Variants in ZNF407 observed in about 807,000 individuals in gnomAD.
ZNF407 encodes the protein zinc finger protein 407.
Under a neutral mutation model 131.2 loss-of-function variants are expected in ZNF407, and 17 were observed. The ratio of observed to expected loss-of-function variants is 0.13; its 90% CI spans 0.09 to 0.19. The LOEUF is 0.19. Among genes scored for constraint, ZNF407 ranks in the 10% least tolerant of loss-of-function variants. The pLI is 1.00. For synonymous variants in ZNF407, 1,156 were observed against 1,062.0 expected, an observed-to-expected ratio of 1.09 and a Z score of -1.72; for missense variants, 2,681 against 2,830.6, an observed-to-expected ratio of 0.95 and a Z score of 1.20.
intron 4 of ZNF407, among the ~76,000 whole-genome samples, chr18:74,872,060 G>A (rs760321495): frequency 2.6e-5 from 4 of 151,760 alleles, no homozygotes; most frequent in African/African-American, 4.8e-5. Flanking sequence ...AGTAGAGACC[G>A]GGTTTCACTG....
At chr18:74,875,660 T>G (rs1971145746) in intron 4 of ZNF407, among the ~76,000 whole-genome samples, 1 of 152,208 alleles carries the variant, frequency 6.6e-6, no homozygotes, top group South Asian at 2.1e-4. Flanking sequence ...GACGTGATTT[T>G]TTTTTACAGT....
At chr18:74,785,082 AATT>A (rs1316330434) in intron 4 of ZNF407, among the ~76,000 whole-genome samples, 1 of 152,266 alleles carries the variant, frequency 6.6e-6, no homozygotes, top group Non-Finnish European at 1.5e-5. Flanking sequence ...ACCAAAGAAG[AATT>A]TTAAATTAGA....
At chr18:74,855,468 TA>T (rs1970846584) in intron 4 of ZNF407, among the ~76,000 whole-genome samples, 3 of 152,232 alleles carry the variant, frequency 2.0e-5, no homozygotes, top group African/African-American at 7.2e-5. Context: ...CAATATCCAA[TA>T]TTTTTTTGAA....
At chr18:74,910,500 A>G (rs969353296) in intron 7 of ZNF407, among the ~76,000 whole-genome samples, 1 of 152,086 alleles carries the variant, frequency 6.6e-6, no homozygotes, top group African/African-American at 2.4e-5. Context: ...TTAAGTATAT[A>G]TGACTTAACA....
At chr18:74,744,989 G>A (rs962679288) in intron 3 of ZNF407, among the ~76,000 whole-genome samples, 1 of 152,094 alleles carries the variant, frequency 6.6e-6, no homozygotes, top group African/African-American at 2.4e-5. Context: ...ATCGAGTAGG[G>A]AATAATGATA....
chr18:74,691,850 T>C (rs1177495860), intron 3 of ZNF407, among the ~76,000 whole-genome samples: 2 of 152,160 alleles, frequency 1.3e-5, no homozygotes, highest in East Asian at 3.8e-4. Flanking sequence ...TCCCAGCACT[T>C]TGGGAGGCCG....
chr18:75,042,771 C>T (rs1295546926), intron 8 of ZNF407, among the ~76,000 whole-genome samples: 2 of 152,132 alleles, frequency 1.3e-5, no homozygotes, highest in African/African-American at 4.8e-5. Flanking sequence ...CTTGGCTGTC[C>T]CTATAGTTTT....
At chr18:74,904,703 A>G (rs1167336838) in intron 7 of ZNF407, among the ~76,000 whole-genome samples, 1 of 152,186 alleles carries the variant, frequency 6.6e-6, no homozygotes, top group African/African-American at 2.4e-5. Flanking sequence ...TGTAGATAGT[A>G]TGATTGGAGA....
intron 1 of ZNF407, among the ~76,000 whole-genome samples, chr18:74,614,939 C>T (rs1983220037): frequency 6.6e-6 from 1 of 152,216 alleles, no homozygotes; most frequent in East Asian, 1.9e-4. Context: ...TTCATTTCTT[C>T]CCTTTGCACA....
chr18:74,819,381 A>G (rs1428850063), intron 4 of ZNF407, among the ~76,000 whole-genome samples: 1 of 152,164 alleles, frequency 6.6e-6, no homozygotes. Context: ...AATGTATAAT[A>G]TCCGGTGAGG....
chr18:75,029,355 C>A (rs527318819), intron 8 of ZNF407, among the ~76,000 whole-genome samples: 1 of 152,222 alleles, frequency 6.6e-6, no homozygotes, highest in East Asian at 1.9e-4. Context: ...CTACGTTAAC[C>A]CAGAAGCAGT....
intron 8 of ZNF407, among the ~76,000 whole-genome samples, chr18:75,006,071 C>G (rs1204511313): frequency 6.6e-6 from 1 of 152,026 alleles, no homozygotes; most frequent in East Asian, 1.9e-4. Context: ...GTCGGATGAA[C>G]GGACCCTCCG....
intron 8 of ZNF407, among the ~76,000 whole-genome samples, chr18:75,045,159 A>G (rs1973420007): frequency 6.6e-6 from 1 of 152,092 alleles, no homozygotes; most frequent in Admixed American, 6.6e-5. Context: ...CATGTACATA[A>G]CATGTGCCTG....
chr18:74,791,935 G>C (rs1382181556), intron 4 of ZNF407, among the ~76,000 whole-genome samples: 1 of 152,090 alleles, frequency 6.6e-6, no homozygotes, highest in Admixed American at 6.6e-5. Context: ...TACTCAGCTG[G>C]TCTAATTTAT....
chr18:74,647,484 C>A (rs1265533676), intron 3 of ZNF407, among the ~76,000 whole-genome samples: 1 of 152,088 alleles, frequency 6.6e-6, no homozygotes, highest in African/African-American at 2.4e-5. Context: ...GATTCTGTAA[C>A]CTTCCTGATC....
chr18:74,783,577 C>T (rs983049724), intron 4 of ZNF407, among the ~76,000 whole-genome samples: 2 of 150,312 alleles, frequency 1.3e-5, no homozygotes, highest in South Asian at 2.1e-4. Flanking sequence ...TTACCCTTTT[C>T]GTTACATTCT....
chr18:74,630,240 G>C (rs1242936272), intron 1 of ZNF407, among the ~76,000 whole-genome samples: 1 of 145,456 alleles, frequency 6.9e-6, no homozygotes, highest in Non-Finnish European at 1.5e-5. Context: ...GTGCAATCTC[G>C]GCTCACTGCA....
chr18:74,952,648 T>G (rs1212123260), intron 8 of ZNF407, among the ~76,000 whole-genome samples: 1 of 152,248 alleles, frequency 6.6e-6, no homozygotes, highest in Non-Finnish European at 1.5e-5. Context: ...AAAATCTCTC[T>G]TAAGAATAAG....
intron 4 of ZNF407, among the ~76,000 whole-genome samples, chr18:74,785,833 T>TCACATGGCATG (rs1476023123): frequency 3.1e-4 from 47 of 149,884 alleles, no homozygotes; most frequent in African/African-American, 9.3e-4. Flanking sequence ...CACATGTCAC[T>TCACATGGCATG]CACATGGCAT....
Sources: allele counts gnomAD v4.1 joint callset (sites outside exome capture counted in the v4.1 genomes callset), GRCh38; gene constraint gnomAD v4.1.1; transcripts MANE v1.5; gene names NCBI Gene and HGNC (gene_info 2026-07-23, HGNC 2026-07-21).